PCDHGA3: variants seen among roughly 807,000 people sequenced by gnomAD.
The protein encoded by PCDHGA3 is protocadherin gamma-A3.
In PCDHGA3, 40 loss-of-function variants were observed where a neutral mutation model predicts 58.5. The ratio of observed to expected loss-of-function variants is 0.68; its 90% CI spans 0.53 to 0.89. The LOEUF (loss-of-function observed/expected upper bound fraction) is 0.89, where lower values mean the gene tolerates loss of function less well. Among genes scored for constraint, PCDHGA3 ranks in the 40% least tolerant of loss-of-function variants. PCDHGA3 has a pLI of 0.00. For synonymous variants in PCDHGA3, 530 were observed against 525.7 expected (o/e 1.01, Z -0.11); for missense variants, 1,223 against 1,195.9 (o/e 1.02, Z -0.33).
chr5:141,482,753 G>A (rs2154579665), intron 1 of PCDHGA3, among the ~76,000 whole-genome samples: 1 of 127,136 alleles, frequency 7.9e-6, no homozygotes. Context: ...GAGGGATTAT[G>A]GTATTTCATT....
chr5:141,442,561 G>C (rs2098332268), intron 1 of PCDHGA3: 1 of 152,198 alleles, frequency 6.6e-6, no homozygotes, highest in African/African-American at 2.4e-5. Context: ...ACTAAGTTCA[G>C]TCACAAGCAG....
intron 1 of PCDHGA3, chr5:141,422,581 G>A (rs1223117895): frequency 3.7e-6 from 6 of 1,613,984 alleles, no homozygotes; most frequent in Non-Finnish European, 4.2e-6. Flanking sequence ...TAACCCTCCC[G>A]TTTTTCCTCA....
chr5:141,429,239 T>C (rs1344971786), intron 1 of PCDHGA3: 1 of 151,802 alleles, frequency 6.6e-6, no homozygotes, highest in East Asian at 1.9e-4. Context: ...ACTGCTGTCA[T>C]TGAGATATTT....
intron 2 of PCDHGA3, 99 bp downstream of exon 2, chr5:141,494,964 G>A (rs2099757882): frequency 1.3e-6 from 2 of 1,594,380 alleles, no homozygotes; most frequent in Non-Finnish European, 8.5e-7. Context: ...GCTACAGATG[G>A]CTTCTCCCTC....
chr5:141,402,451 G>A (rs2094267451), intron 1 of PCDHGA3, among the ~76,000 whole-genome samples: 1 of 152,016 alleles, frequency 6.6e-6, no homozygotes. Context: ...AATTATAATA[G>A]TTTACATATC....
intron 1 of PCDHGA3, chr5:141,412,984 C>G: frequency 1.8e-6 from 1 of 558,874 alleles, no homozygotes; most frequent in Non-Finnish European, 3.0e-6. Flanking sequence ...GCAGCCAGAG[C>G]TCAATCCGGA....
At chr5:141,361,977 C>G in intron 1 of PCDHGA3, 1 of 1,601,656 alleles carries the variant, frequency 6.2e-7, no homozygotes, top group Non-Finnish European at 8.5e-7. Context: ...CCAGCGAGCC[C>G]GGGCTCTTCA....
rs1356654620 is a variant in PCDHGA3 at position 141,490,430 on chromosome 5, TTAA to T, written c.2425-4376_2425-4374del. On this transcript the variant is annotated intron_variant, in intron 1 of 3. Coordinates refer to ENST00000253812, the MANE Select transcript of PCDHGA3 (RefSeq NM_018916.4). The surrounding 1 kb of genome is among the most constrained non-coding windows in gnomAD (Gnocchi z 5.4). ...ATCTCTCCGGACCTGCCATTTCAGA[TTAA>T]GCCTTCTGAGAACCACTACTCGCTG... 1 of 1,614,162 alleles carries T rather than the reference TTAA, an allele frequency of 6.2e-7. No individual in the cohort carries two copies.
chr5:141,350,641 A>G (rs750953545), intron 1 of PCDHGA3: 1 of 1,614,024 alleles, frequency 6.2e-7, no homozygotes, highest in Non-Finnish European at 8.5e-7. Flanking sequence ...ATGACAATGC[A>G]CCACGTTTCG....
rs1299979776 is a variant in PCDHGA3 at position 141,512,453 on chromosome 5, G to GC, written c.*1282dup. On this transcript the variant is annotated 3_prime_UTR_variant, in exon 4 of 4. Transcript: ENST00000253812. ...TCCTGAAGCCTCAGTCCTTCACCTT[G>GC]CCAGGTGCCGTTTCTCTTCCGTGAA... The GC allele has an allele frequency of 6.5e-6, 1 of 152,880 alleles. No homozygotes were observed. The allele number at this position is 152,880 out of a possible 1,614,324, so 9.5% of individuals were successfully genotyped here.
chr5:141,374,065 AG>A, intron 1 of PCDHGA3: 1 of 1,497,724 alleles, frequency 6.7e-7, no homozygotes, highest in Non-Finnish European at 8.9e-7. Context: ...ATCCCAGAGA[AG>A]TTCCTAATAA....
At chr5:141,423,679 C>T in intron 1 of PCDHGA3, 2 of 1,487,594 alleles carry the variant, frequency 1.3e-6, no homozygotes, top group South Asian at 1.3e-5. Context: ...TATTTCTCTG[C>T]CTCCTAATTG....
chr5:141,393,049 C>T (rs2092663894), intron 1 of PCDHGA3: 4 of 1,613,486 alleles, frequency 2.5e-6, no homozygotes, highest in South Asian at 1.1e-5. Context: ...GCTCTGAACC[C>T]GCGCAGCGGC....
chr5:141,382,807 T>TC (rs1430207152), intron 1 of PCDHGA3: 2 of 1,107,572 alleles, frequency 1.8e-6, no homozygotes, highest in Non-Finnish European at 2.6e-6. Context: ...GATTCTGAGC[T>TC]CCCCTTCCTA....
At chr5:141,401,935 T>C (rs1026278615) in intron 1 of PCDHGA3, among the ~76,000 whole-genome samples, 4 of 152,240 alleles carry the variant, frequency 2.6e-5, no homozygotes, top group African/African-American at 9.6e-5. Flanking sequence ...CTTAGAATAA[T>C]GTTTAAGACC....
intron 1 of PCDHGA3, among the ~76,000 whole-genome samples, chr5:141,484,535 A>G (rs2099597486): frequency 6.6e-6 from 1 of 152,178 alleles, no homozygotes. Flanking sequence ...AGTATATGGC[A>G]GTGGTTCTAA....
intron 1 of PCDHGA3, chr5:141,360,695 A>G (rs772748568): frequency 3.1e-6 from 5 of 1,613,988 alleles, no homozygotes; most frequent in Non-Finnish European, 3.4e-6. Flanking sequence ...CAGACTCCAG[A>G]TGGTCGTAAA....
At chr5:141,442,701 A>AG (rs1388473196) in intron 1 of PCDHGA3, among the ~76,000 whole-genome samples, 5 of 152,258 alleles carry the variant, frequency 3.3e-5, no homozygotes, top group Non-Finnish European at 7.3e-5. Flanking sequence ...AGACAAGAGT[A>AG]TCAGACATGC....
chr5:141,410,206 G>T (rs774541712), intron 1 of PCDHGA3: 2 of 1,614,026 alleles, frequency 1.2e-6, no homozygotes, highest in South Asian at 1.1e-5. Context: ...CAGACAACTT[G>T]CAAGAGATAC....
Sources: gnomAD v4.1 joint callset for allele counts (sites outside exome capture counted in the v4.1 genomes callset) on GRCh38, gnomAD v4.1.1 for gene constraint, Gnocchi (gnomAD v3.1) non-coding constraint, MANE v1.5 for transcripts, NCBI Gene and HGNC (gene_info 2026-07-23, HGNC 2026-07-21) for gene names.